DSN1: variants seen among roughly 807,000 people sequenced by gnomAD.
The protein encoded by DSN1 is kinetochore-associated protein DSN1 homolog.
A neutral mutation model predicts 45.7 loss-of-function variants in DSN1; 31 were observed. The ratio of observed to expected loss-of-function variants is 0.68; its 90% CI spans 0.51 to 0.92. DSN1 has a LOEUF of 0.92. DSN1 is among the 40% of genes least tolerant of loss of function. DSN1 has a pLI of 0.00. For synonymous variants in DSN1, 134 were observed against 142.3 expected (o/e 0.94, Z 0.41); for missense variants, 394 against 414.2 (o/e 0.95, Z 0.42).
At chr20:36,766,201 A>C (rs1270137049) in intron 5 of DSN1, among the ~76,000 whole-genome samples, 1 of 151,492 alleles carries the variant, frequency 6.6e-6, no homozygotes, top group African/African-American at 2.4e-5. Context: ...TCTCAAAAAA[A>C]AAAAAAAAAA....
chr20:36,769,960 GAGAA>G (rs1391126967), intron 3 of DSN1, among the ~76,000 whole-genome samples: 1 of 127,310 alleles, frequency 7.9e-6, no homozygotes, highest in East Asian at 2.7e-4. Flanking sequence ...GAGACAGAGA[GAGAA>G]AGAAAGTGAG....
chr20:36,770,293 C>A (rs1279917652), intron 3 of DSN1, among the ~76,000 whole-genome samples: 1 of 152,164 alleles, frequency 6.6e-6, no homozygotes, highest in South Asian at 2.1e-4. Context: ...TGTCCTCAAA[C>A]TCCTGGACTC....
intron 8 of DSN1, 131 bp downstream of exon 8, chr20:36,757,956 C>T (rs1169541564): frequency 9.5e-6 from 8 of 841,366 alleles, no homozygotes; most frequent in Non-Finnish European, 1.5e-5. Context: ...CTAATACACA[C>T]TACAGAATTT....
intron 5 of DSN1, 102 bp from the exon 6 acceptor site, chr20:36,762,650 GT>G: frequency 9.9e-7 from 1 of 1,008,540 alleles, no homozygotes; most frequent in Non-Finnish European, 1.4e-6. Context: ...TCTAGGTACT[GT>G]TACATGTTGG....
At chr20:36,770,257 A>G (rs1466584996) in intron 3 of DSN1, among the ~76,000 whole-genome samples, 2 of 151,960 alleles carry the variant, frequency 1.3e-5, no homozygotes, top group East Asian at 1.9e-4. Context: ...TTTTGTAGAG[A>G]TGGGGTTTTG....
chr20:36,758,481 C>A lies in DSN1; in HGVS notation c.650+77G>T. The A allele has an allele frequency of 3.2e-6, 4 of 1,264,496 alleles. No homozygotes were observed. In the South Asian group the frequency reaches 4.0e-5, roughly 12 times the overall value. The allele number at this position is 1,264,496 out of a possible 1,614,324, so 78.3% of individuals were successfully genotyped here. ...GCTGACTCTCCAAATACAATGCTTA[C>A]TATTCATTTTTTCCAAGTTAGTTAA... On this transcript the variant is annotated intron_variant, in intron 7 of 10. Transcript: ENST00000373750.
intron 5 of DSN1, among the ~76,000 whole-genome samples, chr20:36,764,525 T>C (rs1987206651): frequency 1.3e-5 from 2 of 152,196 alleles, no homozygotes; most frequent in African/African-American, 2.4e-5. Flanking sequence ...CCTAGAAAGT[T>C]CAATCATTAG....
intron 1 of DSN1, among the ~76,000 whole-genome samples, chr20:36,773,142 T>C (rs2148289908): frequency 6.6e-6 from 1 of 152,354 alleles, no homozygotes; most frequent in African/African-American, 2.4e-5. Context: ...ATCACACAGA[T>C]CCAGGCTTAG....
intron 1 of DSN1, among the ~76,000 whole-genome samples, chr20:36,772,837 A>G (rs540343609): frequency 2.0e-5 from 3 of 152,314 alleles, no homozygotes; most frequent in African/African-American, 7.2e-5. Context: ...TGGCCTTCGT[A>G]GCATTGGCTA....
Position 36,752,592 on chromosome 20 carries a change from C to A in DSN1, c.*196G>T. 2.2e-6 allele frequency: 1 copy of A among 461,324 alleles called. No homozygotes were observed. Among genetic ancestry groups the A allele is most frequent in the Non-Finnish European group, 3.8e-6 (1 of 260,386 alleles). 28.6% of individuals were successfully genotyped at this position (461,324 alleles called of 1,614,324 possible). A position where few individuals can be genotyped will look rare whatever the true frequency, so the allele number is the denominator to read the frequency against. On this transcript the variant is annotated 3_prime_UTR_variant, in exon 11 of 11. Transcript: ENST00000373750. ...GAACTTTCAAGCATTTTGCACATTC[C>A]TGGGAAAATTGTCTATACAATATTC...
In DSN1 at chr20:36,752,881, T is replaced by C. The variant is rs1015353608; in HGVS notation, c.978A>G (p.Gln326=). 1.2e-6 allele frequency: 2 copies of C among 1,614,042 alleles called. No individual in the cohort carries two copies. The highest frequency in any genetic ancestry group is 1.7e-6 in the Non-Finnish European group (2 of 1,180,018). ...TTCGAGCTGGTGAGGGATCTAATTG[T>C]TGCATGCTTCTCTTTCCTGCAGAGA... ...VSVQLGKRSM[Q]QLDPSPARKL... The change falls in exon 11 of 11, where the codon CAA becomes CAG. Residue 326 remains glutamine (Q), a synonymous_variant. Coordinates refer to ENST00000373750, the MANE Select transcript of DSN1 (RefSeq NM_001145315.2).
chr20:36,773,592 G>A, intron 1 of DSN1, 70 bp downstream of exon 1: 1 of 985,752 alleles, frequency 1.0e-6, no homozygotes, highest in Non-Finnish European at 1.2e-6. Context: ...TTAGTGCGGC[G>A]GCGGGCGGGG....
intron 3 of DSN1, 149 bp from the exon 4 acceptor site, chr20:36,768,191 A>G: frequency 2.9e-6 from 2 of 689,948 alleles, no homozygotes; most frequent in Non-Finnish European, 4.8e-6. Context: ...TTTTTGCAGG[A>G]TCACTGAGGA....
In DSN1 at chr20:36,770,861, A is replaced by C. The variant is rs1213726876; in HGVS notation, c.355+12T>G. 4.4e-6 allele frequency: 7 copies of C among 1,600,436 alleles called. No individual in the cohort carries two copies. The highest frequency in any genetic ancestry group is 3.4e-5 in the Admixed American group (2 of 59,538). ...GCTGGAACCTCACTGTCTTGTGTAC[A>C]CAGCACCCCACCTGTGATGCCCTGG... On this transcript the variant is annotated intron_variant, in intron 3 of 10. Transcript: ENST00000373750.
At chr20:36,768,959 T>C (rs1300479450) in intron 3 of DSN1, among the ~76,000 whole-genome samples, 1 of 152,202 alleles carries the variant, frequency 6.6e-6, no homozygotes. Context: ...ACACTTGCTA[T>C]ATAAAAAGCA....
chr20:36,771,682 T>C, intron 1 of DSN1, among the ~76,000 whole-genome samples: 1 of 152,226 alleles, frequency 6.6e-6, no homozygotes, highest in East Asian at 1.9e-4. Context: ...CAAATCTCCC[T>C]GAACACATAC....
At position 36,758,578 on chromosome 20, in the gene DSN1, C is replaced by T. The variant is rs767922788; in HGVS notation, c.630G>A (p.Glu210=). The change falls in exon 7 of 11, where the codon GAG becomes GAA. Residue 210 remains glutamate, a synonymous_variant. Transcript: ENST00000373750. Reference sequence around the variant, plus strand: ...CTTACTTTGTTATGTATTCCTTCATCTCAGCCACAGATGCTTCCAAAGAAA... The same window carrying T: ...CTTACTTTGTTATGTATTCCTTCATTTCAGCCACAGATGCTTCCAAAGAAA... ...SDFSLEASVA[E]MKEYITKFSL... 51 of 1,611,598 alleles carry T rather than the reference C, an allele frequency of 3.2e-5. No individual in the cohort carries two copies. Among genetic ancestry groups the T allele is most frequent in the Non-Finnish European group, 4.3e-5 (51 of 1,179,548 alleles).
intron 6 of DSN1, among the ~76,000 whole-genome samples, chr20:36,762,100 CTTT>C (rs1235328830): frequency 2.5e-5 from 3 of 121,556 alleles, no homozygotes; most frequent in African/African-American, 3.4e-5. Context: ...AGTCCTAATT[CTTT>C]TTTTTTTTTT....
chr20:36,768,372 G>A (rs77905176), intron 3 of DSN1, among the ~76,000 whole-genome samples: 4 of 152,108 alleles, frequency 2.6e-5, no homozygotes, highest in African/African-American at 7.2e-5. Flanking sequence ...GTGAAATCCC[G>A]TCTCTACTAA....
Sources: gnomAD v4.1 joint callset for allele counts (sites outside exome capture counted in the v4.1 genomes callset) on GRCh38, gnomAD v4.1.1 for gene constraint, MANE v1.5 for transcripts, NCBI Gene and HGNC (gene_info 2026-07-23, HGNC 2026-07-21) for gene names.